The following FBXO22 variants were observed in gnomAD, a reference collection of about 807,000 sequenced individuals.
The protein encoded by FBXO22 is F-box only protein 22.
In FBXO22, 13 loss-of-function variants were observed where a neutral mutation model predicts 37.2. The observed-to-expected ratio is 0.35, with a 90% confidence interval of 0.23 to 0.56. The LOEUF (loss-of-function observed/expected upper bound fraction) is 0.56. FBXO22 is among the 20% of genes least tolerant of loss of function. FBXO22 has a pLI of 0.87. For synonymous variants in FBXO22, 189 were observed against 189.1 expected (o/e 1.00, Z 0.00); for missense variants, 446 against 509.9 (o/e 0.87, Z 1.21).
intron 4 of FBXO22, among the ~76,000 whole-genome samples, chr15:75,915,104 A>C (rs1296828555): frequency 6.6e-6 from 1 of 152,180 alleles, no homozygotes; most frequent in African/African-American, 2.4e-5. Context: ...AGTAGCTGGG[A>C]TCACAGGCGC....
At chr15:75,908,761 G>T (rs950908363) in intron 2 of FBXO22, among the ~76,000 whole-genome samples, 1 of 152,154 alleles carries the variant, frequency 6.6e-6, no homozygotes, top group Admixed American at 6.5e-5. Context: ...AAAATGTCCA[G>T]TTTTTAAAAA....
chr15:75,930,145 A>T (rs558435651), intron 6 of FBXO22, 96 bp downstream of exon 6: 1 of 1,585,162 alleles, frequency 6.3e-7, no homozygotes, highest in East Asian at 2.3e-5. Flanking sequence ...ACGTGTTTAA[A>T]GAATTATTAA....
intron 2 of FBXO22, among the ~76,000 whole-genome samples, chr15:75,910,012 C>T (rs1306216763): frequency 1.3e-5 from 2 of 152,090 alleles, no homozygotes; most frequent in African/African-American, 4.8e-5. Context: ...TGAGAACATG[C>T]AGCATTTGGT....
chr15:75,932,504 C>T (rs1046201196), intron 6 of FBXO22, among the ~76,000 whole-genome samples, 181 bp from the exon 7 acceptor site: 1 of 152,170 alleles, frequency 6.6e-6, no homozygotes, highest in South Asian at 2.1e-4. Flanking sequence ...CTGCCTTGTG[C>T]ATTTTTTATG....
chr15:75,904,232 A>C, intron 1 of FBXO22, 129 bp downstream of exon 1: 3 of 1,312,412 alleles, frequency 2.3e-6, no homozygotes, highest in African/African-American at 1.5e-5. Flanking sequence ...GCCCTACCTG[A>C]GGTGACCCCC....
rs760473711 is a variant in FBXO22 at position 75,933,059 on chromosome 15, A to G, written c.1169A>G (p.Tyr390Cys). 4 of 1,614,044 alleles carry G rather than the reference A, an allele frequency of 2.5e-6. No homozygotes were observed. Among genetic ancestry groups the G allele is most frequent in the East Asian group, 2.2e-5 (1 of 44,894 alleles). Residue 390 changes from tyrosine to cysteine, a missense_variant, in exon 7 of 7, where the codon TAT becomes TGT. Tyr to Cys is a radical substitution (Grantham distance 194). Transcript: ENST00000308275. ...EVKDDDLFHS[Y>C]TTIMALIHLG... ...AAAGATGATGATCTGTTTCATAGCT[A>G]TACAACAATAATGGCACTCATACAT... is the stretch of plus-strand genomic sequence containing the variant.
At chr15:75,908,804 C>T (rs1051998670) in intron 2 of FBXO22, among the ~76,000 whole-genome samples, 2 of 152,120 alleles carry the variant, frequency 1.3e-5, no homozygotes, top group African/African-American at 4.8e-5. Context: ...TGTAAAAATT[C>T]GGTGGAATTT....
chr15:75,926,967 A>G (rs750440992), intron 5 of FBXO22, among the ~76,000 whole-genome samples: 5 of 152,208 alleles, frequency 3.3e-5, no homozygotes, highest in African/African-American at 4.8e-5. Flanking sequence ...CAGATTACAG[A>G]CCTAGAGTTA....
At chr15:75,931,031 A>G (rs998117967) in intron 6 of FBXO22, among the ~76,000 whole-genome samples, 2 of 152,086 alleles carry the variant, frequency 1.3e-5, no homozygotes, top group Admixed American at 1.3e-4. Flanking sequence ...GATATCAAAC[A>G]CTGGATTTTG....
chr15:75,927,109 G>A (rs186989744), intron 5 of FBXO22, among the ~76,000 whole-genome samples: 28 of 152,244 alleles, frequency 1.8e-4, no homozygotes, highest in African/African-American at 5.1e-4. Flanking sequence ...TTTCCTGGTC[G>A]GGGGGAGGGG....
intron 5 of FBXO22, among the ~76,000 whole-genome samples, chr15:75,927,472 TAG>T (rs1373213170): frequency 6.6e-6 from 1 of 152,174 alleles, no homozygotes; most frequent in Non-Finnish European, 1.5e-5. Context: ...GGTTTTAATG[TAG>T]AGTCTGTCAT....
At chr15:75,912,348 T>A (rs775736485) in intron 2 of FBXO22, among the ~76,000 whole-genome samples, 3 of 152,146 alleles carry the variant, frequency 2.0e-5, no homozygotes, top group Non-Finnish European at 4.4e-5. Context: ...GGAATGGTAT[T>A]AGTTCCTCTT....
chr15:75,918,959 T>A (rs537906637), intron 5 of FBXO22, among the ~76,000 whole-genome samples: 5 of 152,120 alleles, frequency 3.3e-5, no homozygotes, highest in African/African-American at 7.2e-5. Flanking sequence ...CATATATTCT[T>A]TTTTTTGTTT....
In FBXO22 at chr15:75,935,217, A is replaced by G. The variant is rs1361645823; in HGVS notation, c.*2115A>G. The G allele has an allele frequency of 1.3e-5, 2 of 152,236 alleles. No individual in the cohort carries two copies. The highest frequency in any genetic ancestry group is 2.9e-5 in the Non-Finnish European group (2 of 68,034). 9.4% of individuals were successfully genotyped at this position (152,236 alleles called of 1,614,324 possible). On this transcript the variant is annotated 3_prime_UTR_variant, in exon 7 of 7. Coordinates refer to ENST00000308275, the MANE Select transcript of FBXO22 (RefSeq NM_147188.3). ...AAATCTGTGTAACTCATTTATTACA[A>G]TTTTGAAAGGCTTGTCTTAGAAGCA...
At chr15:75,925,089 G>C (rs1180465560) in intron 5 of FBXO22, among the ~76,000 whole-genome samples, 1 of 152,114 alleles carries the variant, frequency 6.6e-6, no homozygotes, top group Non-Finnish European at 1.5e-5. Flanking sequence ...GATTGGAAGT[G>C]TCCTGTGTTT....
intron 1 of FBXO22, 170 bp downstream of exon 1, chr15:75,904,273 C>G: frequency 1.8e-6 from 2 of 1,133,316 alleles, no homozygotes; most frequent in Non-Finnish European, 2.4e-6. Context: ...GCCGTGGTGC[C>G]CCGGGGGGAC....
intron 5 of FBXO22, among the ~76,000 whole-genome samples, chr15:75,921,953 C>T (rs923283924): frequency 4.6e-5 from 7 of 151,954 alleles, no homozygotes; most frequent in African/African-American, 9.6e-5. Context: ...TTCTGGAATA[C>T]GTCCTGAAGG....
Position 75,933,914 on chromosome 15 carries a change from A to C in FBXO22, c.*812A>C, listed in dbSNP as rs2030161386. The C allele has an allele frequency of 6.4e-6, 1 of 156,474 alleles. No homozygotes were observed. The highest frequency in any genetic ancestry group is 1.4e-5 in the Non-Finnish European group (1 of 70,380). The allele number at this position is 156,474 out of a possible 1,614,324, so 9.7% of individuals were successfully genotyped here. A position where few individuals can be genotyped will look rare whatever the true frequency, so the allele number is the denominator to read the frequency against. On this transcript the variant is annotated 3_prime_UTR_variant, in exon 7 of 7. Coordinates refer to ENST00000308275, the MANE Select transcript of FBXO22 (RefSeq NM_147188.3). ...TAAATGAAAACCCAGAATAGTTGGTATGTCAGCTAGTCATTCCTGTCATAT... is the reference window on the plus strand; with the variant it reads ...TAAATGAAAACCCAGAATAGTTGGTCTGTCAGCTAGTCATTCCTGTCATAT...
intron 5 of FBXO22, among the ~76,000 whole-genome samples, chr15:75,920,602 G>A (rs983795669): frequency 2.0e-5 from 3 of 152,022 alleles, no homozygotes; most frequent in South Asian, 2.1e-4. Context: ...CGGGAGGATC[G>A]CTTGAGCCCA....
Sources: gnomAD v4.1 joint callset for allele counts (sites outside exome capture counted in the v4.1 genomes callset) on GRCh38, gnomAD v4.1.1 for gene constraint, MANE v1.5 for transcripts, NCBI Gene and HGNC (gene_info 2026-07-23, HGNC 2026-07-21) for gene names.